The following SLC14A2 variants were observed in gnomAD, a reference collection of about 807,000 sequenced individuals.
The protein encoded by SLC14A2 is solute carrier family 14 member 2, also known as urea transporter 2.
A neutral mutation model predicts 104.6 loss-of-function variants in SLC14A2; 91 were observed. The ratio of observed to expected loss-of-function variants is 0.87; its 90% CI spans 0.73 to 1.04. The LOEUF is 1.04. SLC14A2 is among the 50% of genes least tolerant of loss of function. SLC14A2 has a pLI of 0.00. For missense variants in SLC14A2, 1,189 were observed against 1,156.0 expected (o/e 1.03, Z -0.41); for synonymous variants, 476 against 466.4 (o/e 1.02, Z -0.27).
Position 45,643,116 on chromosome 18 carries a change from C to T in SLC14A2, c.1127-16C>T. The T allele has an allele frequency of 6.2e-7, 1 of 1,613,842 alleles. No homozygotes were observed. The highest frequency in any genetic ancestry group is 8.5e-7 in the Non-Finnish European group (1 of 1,179,728). On this transcript the variant is annotated splice_polypyrimidine_tract_variant and intron_variant, in intron 8 of 19. Coordinates refer to ENST00000255226, the MANE Select transcript of SLC14A2 (RefSeq NM_007163.4). ...GCCCTGGGAAGCTCACTCTGGTGAT[C>T]CTTGTTCCTCCACAGCCCTGTTCTG...
chr18:45,336,155 G>A (rs1193025998), intron 1 of SLC14A2, among the ~76,000 whole-genome samples: 1 of 152,132 alleles, frequency 6.6e-6, no homozygotes. Flanking sequence ...TTAGAAAAAT[G>A]AGGGGTAGCA....
intron 1 of SLC14A2, among the ~76,000 whole-genome samples, chr18:45,623,256 C>T (rs1275958632): frequency 2.0e-5 from 3 of 152,114 alleles, no homozygotes; most frequent in African/African-American, 4.8e-5. Context: ...CTGTGGAAAT[C>T]AGTTGCTGAA....
At chr18:45,181,776 AAAAAG>A in the SLC14A2 span, among the ~76,000 whole-genome samples, 1 of 150,780 alleles carries the variant, frequency 6.6e-6, no homozygotes, top group African/African-American at 2.4e-5. Flanking sequence ...TAAGAAATAT[AAAAAG>A]AAATTTACAG....
At chr18:45,251,050 G>A (rs1391762323) in intron 1 of SLC14A2, among the ~76,000 whole-genome samples, 1 of 152,050 alleles carries the variant, frequency 6.6e-6, no homozygotes, top group East Asian at 1.9e-4. Context: ...ATTTCCATAG[G>A]TTTTGGGGAA....
At chr18:45,627,456 A>G (rs1211983076) in intron 4 of SLC14A2, among the ~76,000 whole-genome samples, 2 of 152,224 alleles carry the variant, frequency 1.3e-5, no homozygotes. Context: ...ATTAATAGGC[A>G]ATGAATGTCT....
At chr18:45,439,219 C>G (rs1013219872) in intron 1 of SLC14A2, among the ~76,000 whole-genome samples, 2 of 152,112 alleles carry the variant, frequency 1.3e-5, no homozygotes, top group Non-Finnish European at 2.9e-5. Flanking sequence ...TTTGAGGTTA[C>G]AGTGAACTAT....
In SLC14A2 at chr18:45,467,052, C is replaced by T. The variant is rs143458167; in HGVS notation, c.-124-16181C>T. Among the ~76,000 whole-genome samples, 42 of 152,174 alleles carry T rather than the reference C, an allele frequency of 2.8e-4. 1 individual carries two copies. The highest frequency in any genetic ancestry group is 9.9e-4 in the African/African-American group (41 of 41,498). ...GTATCTAAGCAGACAGGAATCAACC[C>T]CCAATGAACCCACAGTGATGCTGAG... On this transcript the variant is annotated intron_variant, in intron 1 of 20. Transcript: ENST00000586448.
rs1449651722 is a variant in SLC14A2 at position 45,639,838 on chromosome 18, C to T, written c.936C>T (p.Ser312=). 2.5e-6 allele frequency: 4 copies of T among 1,613,922 alleles called. No individual in the cohort carries two copies. The highest frequency in any genetic ancestry group is 2.2e-5 in the East Asian group (1 of 44,878). Residue 312 remains serine, a synonymous_variant, in exon 7 of 20, where the codon TCC becomes TCT. Transcript: ENST00000255226. ...TGTTCCTGGTGGCTCTGTTCATCTC[C>T]TCGCCACTCATCTGCTTGCATGCAG... ...GGVFLVALFI[S]SPLICLHAAI...
chr18:45,333,867 T>A (rs1200677330), intron 1 of SLC14A2, among the ~76,000 whole-genome samples: 1 of 152,224 alleles, frequency 6.6e-6, no homozygotes, highest in African/African-American at 2.4e-5. Flanking sequence ...TGACACCTAT[T>A]AATAATAATC....
At chr18:45,406,772 A>G (rs2086159823) in intron 1 of SLC14A2, among the ~76,000 whole-genome samples, 1 of 152,188 alleles carries the variant, frequency 6.6e-6, no homozygotes. Flanking sequence ...TCTCCATCAG[A>G]GTTCTTGAGT....
At chr18:45,240,656 G>GTTTTTGGTT (rs1208694181) in intron 1 of SLC14A2, among the ~76,000 whole-genome samples, 1 of 134,154 alleles carries the variant, frequency 7.5e-6, no homozygotes, top group East Asian at 2.0e-4. Context: ...TTTTGTTTTT[G>GTTTTTGGTT]TTTTTGGTTT....
chr18:45,466,112 A>G (rs1316253544), intron 1 of SLC14A2, among the ~76,000 whole-genome samples: 1 of 152,064 alleles, frequency 6.6e-6, no homozygotes, highest in Non-Finnish European at 1.5e-5. Flanking sequence ...CCCAATTTGC[A>G]ACGAGCCCTG....
chr18:45,189,796 G>A, the SLC14A2 span, among the ~76,000 whole-genome samples: 1 of 152,128 alleles, frequency 6.6e-6, no homozygotes, highest in Admixed American at 6.6e-5. Flanking sequence ...CCTTTGCTTG[G>A]GTGATAATGG....
At chr18:45,192,879 A>C in the SLC14A2 span, among the ~76,000 whole-genome samples, 1 of 151,776 alleles carries the variant, frequency 6.6e-6, no homozygotes. Context: ...GATGGTCTAG[A>C]TCTCCTGACC....
chr18:45,362,907 C>G (rs2144331264), intron 1 of SLC14A2, among the ~76,000 whole-genome samples: 1 of 121,420 alleles, frequency 8.2e-6, no homozygotes, highest in East Asian at 2.0e-4. Flanking sequence ...TGGAGCTGCT[C>G]CCCCATGCTA....
At chr18:45,266,661 G>C (rs1380524046) in intron 1 of SLC14A2, among the ~76,000 whole-genome samples, 1 of 152,158 alleles carries the variant, frequency 6.6e-6, no homozygotes, top group Admixed American at 6.5e-5. Context: ...GTGATTATCA[G>C]TTGGTATGTG....
chr18:45,308,385 C>T (rs552960921), intron 1 of SLC14A2, among the ~76,000 whole-genome samples: 1 of 152,154 alleles, frequency 6.6e-6, no homozygotes, highest in East Asian at 1.9e-4. Flanking sequence ...AAATTTAAAC[C>T]CATGTGGTCT....
chr18:45,258,045 G>C (rs1599620119), intron 1 of SLC14A2, among the ~76,000 whole-genome samples: 1 of 152,120 alleles, frequency 6.6e-6, no homozygotes, highest in Non-Finnish European at 1.5e-5. Flanking sequence ...GCCAAGCACT[G>C]TTCTTCATAT....
chr18:45,237,485 C>T (rs772516511), intron 1 of SLC14A2, among the ~76,000 whole-genome samples: 1 of 152,202 alleles, frequency 6.6e-6, no homozygotes, highest in Non-Finnish European at 1.5e-5. Context: ...ACAGCATGCT[C>T]GATTCACTGC....
Sources: gnomAD v4.1 joint callset for allele counts (sites outside exome capture counted in the v4.1 genomes callset) on GRCh38, gnomAD v4.1.1 for gene constraint, MANE v1.5 for transcripts, NCBI Gene and HGNC (gene_info 2026-07-23, HGNC 2026-07-21) for gene names.